The following TPST1 variants were observed in gnomAD, a reference collection of about 807,000 sequenced individuals.
TPST1 encodes tyrosylprotein sulfotransferase 1, also known as protein-tyrosine sulfotransferase 1.
A neutral mutation model predicts 34.8 loss-of-function variants in TPST1; 20 were observed. That is an observed-to-expected ratio of 0.57 (90% CI 0.40 to 0.84). TPST1 has a LOEUF of 0.84. Ranked by LOEUF, TPST1 falls within the 40% of genes least tolerant of loss-of-function variation. The pLI is 0.00. For synonymous variants in TPST1, 152 were observed against 159.4 expected (o/e 0.95, Z 0.35); for missense variants, 353 against 455.5 (o/e 0.78, Z 2.05).
intron 2 of TPST1, among the ~76,000 whole-genome samples, chr7:66,257,714 A>G (rs1354347841): frequency 6.6e-6 from 1 of 152,066 alleles, no homozygotes; most frequent in East Asian, 1.9e-4. Flanking sequence ...TCTAAGGTAC[A>G]CCCTTCTTTA....
At chr7:66,349,817 A>C (rs1371703233) in intron 3 of TPST1, among the ~76,000 whole-genome samples, 1 of 152,078 alleles carries the variant, frequency 6.6e-6, no homozygotes, top group African/African-American at 2.4e-5. Context: ...CAAAAACAAC[A>C]ACAACAAAAA....
upstream of TPST1, among the ~76,000 whole-genome samples, chr7:66,201,649 C>T (rs541948975): frequency 1.3e-5 from 2 of 151,818 alleles, no homozygotes; most frequent in Non-Finnish European, 2.9e-5. Flanking sequence ...CGATATCATG[C>T]CACTGCACAC....
intron 2 of TPST1, among the ~76,000 whole-genome samples, chr7:66,271,165 T>C (rs539630772): frequency 2.6e-5 from 4 of 152,268 alleles, no homozygotes; most frequent in African/African-American, 7.2e-5. Flanking sequence ...AAATTGTTCC[T>C]TCTCTGGCCA....
chr7:66,283,431 A>G (rs1790973264), intron 2 of TPST1, among the ~76,000 whole-genome samples: 1 of 152,082 alleles, frequency 6.6e-6, no homozygotes, highest in Non-Finnish European at 1.5e-5. Flanking sequence ...TAGATAGTAA[A>G]TATTTTAGAT....
chr7:66,212,483 A>C, intron 1 of TPST1, among the ~76,000 whole-genome samples: 1 of 146,002 alleles, frequency 6.8e-6, no homozygotes, highest in African/African-American at 2.5e-5. Context: ...TTTTTGAGAC[A>C]GAGTCCTACT....
At chr7:66,225,547 G>A (rs1789637162) in intron 1 of TPST1, among the ~76,000 whole-genome samples, 1 of 152,150 alleles carries the variant, frequency 6.6e-6, no homozygotes, top group Non-Finnish European at 1.5e-5. Context: ...AGAAAGCAGA[G>A]GTTGCAGTGA....
intron 1 of TPST1, among the ~76,000 whole-genome samples, chr7:66,214,115 A>G (rs1171574960): frequency 2.0e-5 from 3 of 152,048 alleles, no homozygotes; most frequent in Non-Finnish European, 4.4e-5. Context: ...ACCACAATCA[A>G]TTTTAGAACA....
intron 3 of TPST1, among the ~76,000 whole-genome samples, chr7:66,333,953 A>C (rs1177652196): frequency 1.3e-5 from 2 of 152,220 alleles, no homozygotes; most frequent in East Asian, 3.8e-4. Flanking sequence ...TGGAAAGCTA[A>C]TATAAAAATG....
At chr7:66,239,822 TTGTATATAC>T (rs933544863) in intron 1 of TPST1, among the ~76,000 whole-genome samples, 1 of 152,248 alleles carries the variant, frequency 6.6e-6, no homozygotes, top group African/African-American at 2.4e-5. Flanking sequence ...TTACTCAAAT[TTGTATATAC>T]TGTATATACT....
intron 2 of TPST1, among the ~76,000 whole-genome samples, chr7:66,277,473 T>A (rs572802553): frequency 1.3e-5 from 2 of 152,226 alleles, no homozygotes; most frequent in Admixed American, 6.5e-5. Flanking sequence ...TTTTGGAGTT[T>A]GTGAGCTACT....
intron 3 of TPST1, among the ~76,000 whole-genome samples, chr7:66,326,693 C>G (rs1791873799): frequency 6.6e-6 from 1 of 152,166 alleles, no homozygotes; most frequent in Non-Finnish European, 1.5e-5. Context: ...ACGACACATT[C>G]CCAACTCAAT....
chr7:66,319,539 ATGT>A (rs1269983815), intron 3 of TPST1, among the ~76,000 whole-genome samples: 1 of 152,200 alleles, frequency 6.6e-6, no homozygotes, highest in Non-Finnish European at 1.5e-5. Context: ...ATATCTCTAA[ATGT>A]TGTCATATCC....
At chr7:66,292,694 C>G (rs1188151664) in intron 3 of TPST1, among the ~76,000 whole-genome samples, 3 of 139,474 alleles carry the variant, frequency 2.2e-5, no homozygotes, top group African/African-American at 5.5e-5. Context: ...CCAGGTGAGG[C>G]AATGCCTCGC....
chr7:66,344,909 A>G (rs1306399178), intron 3 of TPST1, among the ~76,000 whole-genome samples: 2 of 148,430 alleles, frequency 1.3e-5, no homozygotes, highest in African/African-American at 5.0e-5. Context: ...ACTTTTTAGT[A>G]GAGACGGGGT....
chr7:66,283,273 C>CA (rs1018694964), intron 2 of TPST1, among the ~76,000 whole-genome samples: 2 of 151,334 alleles, frequency 1.3e-5, no homozygotes, highest in Non-Finnish European at 1.5e-5. Context: ...AAAACAAAAA[C>CA]AAAAAAAACC....
At chr7:66,259,210 T>C (rs1376289692) in intron 2 of TPST1, among the ~76,000 whole-genome samples, 1 of 152,202 alleles carries the variant, frequency 6.6e-6, no homozygotes, top group East Asian at 1.9e-4. Context: ...ATAATTTTAG[T>C]TTCTTTAGAC....
intron 3 of TPST1, among the ~76,000 whole-genome samples, chr7:66,306,328 C>T (rs1488762617): frequency 1.3e-5 from 2 of 152,182 alleles, no homozygotes; most frequent in African/African-American, 4.8e-5. Context: ...CAAAGCAAAG[C>T]CTTTGCTAAA....
chr7:66,211,859 TG>T (rs1306099030), intron 1 of TPST1, among the ~76,000 whole-genome samples: 1 of 152,020 alleles, frequency 6.6e-6, no homozygotes, highest in Non-Finnish European at 1.5e-5. Context: ...CCAGCTACTC[TG>T]GAGGCTGAGG....
At chr7:66,293,205 C>CA (rs889634763) in intron 3 of TPST1, among the ~76,000 whole-genome samples, 121 of 132,008 alleles carry the variant, frequency 9.2e-4, no homozygotes, top group South Asian at 1.2e-3. Context: ...GACTCCATCT[C>CA]AAAAAAAAAA....
Sources: gnomAD v4.1 joint callset for allele counts (sites outside exome capture counted in the v4.1 genomes callset) on GRCh38, gnomAD v4.1.1 for gene constraint, MANE v1.5 for transcripts, NCBI Gene and HGNC (gene_info 2026-07-23, HGNC 2026-07-21) for gene names.